The following TMEM178B variants were observed in gnomAD, a reference collection of about 807,000 sequenced individuals.
TMEM178B encodes transmembrane protein 178B.
A neutral mutation model predicts 31.0 loss-of-function variants in TMEM178B; 5 were observed. The ratio of observed to expected loss-of-function variants is 0.16; its 90% CI spans 0.08 to 0.34. The LOEUF (loss-of-function observed/expected upper bound fraction) is 0.34, where lower values mean the gene tolerates loss of function less well. TMEM178B is among the 10% of genes least tolerant of loss of function. The probability of loss-of-function intolerance (pLI) is 1.00; values close to 1 mark genes in which losing one functional copy is unlikely to be tolerated. For synonymous variants in TMEM178B, 164 were observed against 164.0 expected (o/e 1.00, Z 0.00); for missense variants, 275 against 400.3 (o/e 0.69, Z 2.67).
At chr7:141,227,521 G>A (rs1797365653) in intron 2 of TMEM178B, among the ~76,000 whole-genome samples, 1 of 152,180 alleles carries the variant, frequency 6.6e-6, no homozygotes, top group Non-Finnish European at 1.5e-5. Flanking sequence ...GACAGAGGAG[G>A]AAACTGAGGC....
intron 1 of TMEM178B, among the ~76,000 whole-genome samples, chr7:141,193,367 A>C (rs1265544015): frequency 6.6e-6 from 1 of 152,202 alleles, no homozygotes; most frequent in Admixed American, 6.5e-5. Context: ...GAGGCCCTGA[A>C]TGCAAAACCT....
At chr7:141,409,211 G>A (rs1258709805) in intron 2 of TMEM178B, among the ~76,000 whole-genome samples, 1 of 152,194 alleles carries the variant, frequency 6.6e-6, no homozygotes, top group East Asian at 1.9e-4. Flanking sequence ...TCATGTGAGA[G>A]GACAAAGGGC....
chr7:141,222,467 T>A (rs1797272061), intron 2 of TMEM178B, among the ~76,000 whole-genome samples: 1 of 152,190 alleles, frequency 6.6e-6, no homozygotes, highest in South Asian at 2.1e-4. Flanking sequence ...GCAGAGATGG[T>A]AATACCTGCC....
chr7:141,396,529 CAG>C (rs1611008), intron 2 of TMEM178B, among the ~76,000 whole-genome samples: 38,087 of 151,982 alleles, frequency 0.25, 4,874 homozygotes, highest in Admixed American at 0.29. Context: ...GAGTGGAAAA[CAG>C]AGCCTCAGAA....
chr7:141,076,379 A>C (rs1470141672), intron 1 of TMEM178B, among the ~76,000 whole-genome samples: 1 of 152,272 alleles, frequency 6.6e-6, no homozygotes, highest in Non-Finnish European at 1.5e-5. Flanking sequence ...AATTCATGTT[A>C]ATAATGAACA....
At chr7:141,293,147 T>G (rs1016174) in intron 2 of TMEM178B, among the ~76,000 whole-genome samples, 5,058 of 152,270 alleles carry the variant, frequency 0.033, 204 homozygotes, top group East Asian at 0.15. Context: ...GGAGGACTCA[T>G]CTGGGGTTTG....
chr7:141,118,506 G>A (rs1036949126), intron 1 of TMEM178B, among the ~76,000 whole-genome samples: 4 of 152,180 alleles, frequency 2.6e-5, no homozygotes, highest in South Asian at 2.1e-4. Flanking sequence ...AATATCCAGC[G>A]TATAGTAAGT....
chr7:141,116,263 G>T (rs1318972295), intron 1 of TMEM178B, among the ~76,000 whole-genome samples: 1 of 152,294 alleles, frequency 6.6e-6, no homozygotes, highest in East Asian at 1.9e-4. Context: ...CCAAAGCAAA[G>T]GTGGGTGCAG....
rs995911601 is a variant in TMEM178B at position 141,422,729 on chromosome 7, G to A, written c.497-14879G>A. The stretch of plus-strand genomic sequence containing the variant: ...TCTGTCCTTGAGCCAGCTACCACCA[G>A]CTTGAGACGTGCAGTGGCTGGAGTG... On this transcript the variant is annotated intron_variant, in intron 2 of 3. Transcript: ENST00000565468. The surrounding 1 kb of genome is among the most constrained non-coding windows in gnomAD (Gnocchi z 4.2). Among the ~76,000 whole-genome samples, 5 of 152,174 alleles carry A rather than the reference G, an allele frequency of 3.3e-5. No individual in the cohort carries two copies. Among genetic ancestry groups the A allele is most frequent in the African/African-American group, 1.2e-4 (5 of 41,440 alleles).
chr7:141,147,067 T>G (rs1285124188), intron 1 of TMEM178B, among the ~76,000 whole-genome samples: 1 of 152,214 alleles, frequency 6.6e-6, no homozygotes, highest in Admixed American at 6.5e-5. Flanking sequence ...AGAGTGGATA[T>G]CTACATGTGC....
chr7:141,221,491 G>A (rs1198981741), intron 2 of TMEM178B, among the ~76,000 whole-genome samples: 2 of 152,234 alleles, frequency 1.3e-5, no homozygotes, highest in Admixed American at 6.5e-5. Flanking sequence ...CAGACTGAAT[G>A]AGTGAACTCC....
intron 2 of TMEM178B, among the ~76,000 whole-genome samples, chr7:141,296,325 C>G (rs1798633269): frequency 6.6e-6 from 1 of 152,180 alleles, no homozygotes; most frequent in African/African-American, 2.4e-5. Context: ...GCCTCAGCCT[C>G]CCAAAGTGCT....
chr7:141,170,422 AGT>A (rs936764410), intron 1 of TMEM178B, among the ~76,000 whole-genome samples: 30 of 151,716 alleles, frequency 2.0e-4, no homozygotes, highest in Non-Finnish European at 4.4e-4. Flanking sequence ...TTTTTTATTG[AGT>A]GTGTTGTGAC....
chr7:141,294,479 G>A (rs868634805), intron 2 of TMEM178B, among the ~76,000 whole-genome samples: 7 of 152,188 alleles, frequency 4.6e-5, no homozygotes, highest in Non-Finnish European at 7.3e-5. Context: ...TTAACAGAAA[G>A]AAATAGGCAG....
chr7:141,214,849 C>T (rs969947371), intron 2 of TMEM178B, among the ~76,000 whole-genome samples: 4 of 151,948 alleles, frequency 2.6e-5, no homozygotes, highest in African/African-American at 4.8e-5. Flanking sequence ...GCCATCTCAA[C>T]GATTGATATG....
At chr7:141,456,342 G>T (rs373233203) in intron 3 of TMEM178B, among the ~76,000 whole-genome samples, 4 of 152,226 alleles carry the variant, frequency 2.6e-5, no homozygotes, top group African/African-American at 9.6e-5. Flanking sequence ...GAAGTGATTT[G>T]CCCACTTATG....
intron 1 of TMEM178B, among the ~76,000 whole-genome samples, chr7:141,138,656 A>C (rs1442235006): frequency 6.6e-6 from 1 of 152,042 alleles, no homozygotes; most frequent in East Asian, 1.9e-4. Context: ...AAATTCAGTC[A>C]AGCTGTTAAA....
At chr7:141,372,546 C>A (rs1800137507) in intron 2 of TMEM178B, among the ~76,000 whole-genome samples, 1 of 152,146 alleles carries the variant, frequency 6.6e-6, no homozygotes, top group Non-Finnish European at 1.5e-5. Flanking sequence ...TCCCAAAGCC[C>A]ATTGCCTCTC....
At chr7:141,449,041 T>C (rs1281585400) in intron 3 of TMEM178B, among the ~76,000 whole-genome samples, 1 of 152,090 alleles carries the variant, frequency 6.6e-6, no homozygotes, top group African/African-American at 2.4e-5. Context: ...AATAAAGACC[T>C]GGAATGTGAT....
Sources: gnomAD v4.1 joint callset for allele counts (sites outside exome capture counted in the v4.1 genomes callset) on GRCh38, gnomAD v4.1.1 for gene constraint, Gnocchi (gnomAD v3.1) non-coding constraint, MANE v1.5 for transcripts, NCBI Gene and HGNC (gene_info 2026-07-23, HGNC 2026-07-21) for gene names.